CAST: variants seen among roughly 807,000 people sequenced by gnomAD.
CAST encodes the protein MIR583 host.
In CAST, 76 loss-of-function variants were observed where a neutral mutation model predicts 119.6. The observed-to-expected ratio is 0.64, with a 90% CI of 0.53 to 0.77. The LOEUF (loss-of-function observed/expected upper bound fraction) is 0.77. CAST is among the 30% of genes least tolerant of loss of function. The pLI is 0.00. For synonymous variants in CAST, 319 were observed against 331.6 expected, an observed-to-expected ratio of 0.96 and a Z score of 0.41; for missense variants, 953 against 946.5, an observed-to-expected ratio of 1.01 and a Z score of -0.09.
At chr5:96,673,336 T>C (rs1270532790) in intron 1 of CAST, among the ~76,000 whole-genome samples, 3 of 152,218 alleles carry the variant, frequency 2.0e-5, no homozygotes, top group Non-Finnish European at 2.9e-5. Context: ...CAAAGGATGA[T>C]TTATGAATTG....
the CAST span, among the ~76,000 whole-genome samples, chr5:96,255,896 T>G: frequency 6.6e-6 from 1 of 152,160 alleles, no homozygotes. Flanking sequence ...TCTGGTGTTC[T>G]GTGCTATGCT....
chr5:96,692,724 C>G (rs73774391), intron 2 of CAST, among the ~76,000 whole-genome samples: 1 of 152,176 alleles, frequency 6.6e-6, no homozygotes, highest in Admixed American at 6.5e-5. Context: ...GCCAATCACT[C>G]TCTGTTACCT....
At chr5:96,468,922 T>C in the CAST span, among the ~76,000 whole-genome samples, 1 of 152,106 alleles carries the variant, frequency 6.6e-6, no homozygotes, top group African/African-American at 2.4e-5. Context: ...ATAGTTGCCT[T>C]TGAGCTTTAG....
chr5:96,461,055 C>T, the CAST span, among the ~76,000 whole-genome samples: 2 of 152,104 alleles, frequency 1.3e-5, no homozygotes, highest in Non-Finnish European at 2.9e-5. Flanking sequence ...TCCGGCAATA[C>T]TAGTCTGCTT....
chr5:96,095,068 A>G, the CAST span, among the ~76,000 whole-genome samples: 1 of 152,230 alleles, frequency 6.6e-6, no homozygotes, highest in Non-Finnish European at 1.5e-5. Flanking sequence ...ACTTTGGCTC[A>G]GAGCCAAGGT....
At chr5:95,962,080 T>A in the CAST span, 1 of 394,416 alleles carries the variant, frequency 2.5e-6, no homozygotes, top group Non-Finnish European at 4.5e-6. Context: ...TAATCATGTC[T>A]GACGTCACGT....
chr5:96,249,815 G>A, the CAST span, among the ~76,000 whole-genome samples: 1 of 152,172 alleles, frequency 6.6e-6, no homozygotes, highest in Non-Finnish European at 1.5e-5. Flanking sequence ...TTAAGTAAAT[G>A]TCACTACTGC....
chr5:96,311,204 A>C, the CAST span, among the ~76,000 whole-genome samples: 1 of 152,036 alleles, frequency 6.6e-6, no homozygotes, highest in African/African-American at 2.4e-5. Context: ...TTTCAGGAAC[A>C]TGTTGTTTCA....
chr5:96,744,770 C>T (rs1310586330), intron 16 of CAST, among the ~76,000 whole-genome samples: 2 of 152,102 alleles, frequency 1.3e-5, no homozygotes, highest in Non-Finnish European at 2.9e-5. Flanking sequence ...TCCACTGCCA[C>T]CCCAGCATAC....
intron 1 of CAST, among the ~76,000 whole-genome samples, chr5:96,638,172 G>A (rs569241137): frequency 5.0e-4 from 76 of 152,120 alleles, no homozygotes; most frequent in African/African-American, 1.7e-3. Context: ...TTGGGAGGCC[G>A]AGGCTGGCAG....
chr5:96,474,637 A>G, the CAST span, among the ~76,000 whole-genome samples: 3 of 152,286 alleles, frequency 2.0e-5, no homozygotes, highest in Middle Eastern at 6.8e-3. Flanking sequence ...TGGGGTGTCC[A>G]GGAAGAGCTC....
the CAST span, among the ~76,000 whole-genome samples, chr5:96,238,332 TTCTTCTTCTTCTTCATCTTCA>T: frequency 2.3e-5 from 1 of 42,984 alleles, no homozygotes; most frequent in African/African-American, 6.2e-5. Context: ...CTTCTTCTTC[TTCTTCTTCTTCTTCATCTTCA>T]TCTTCTTCTT....
the CAST span, among the ~76,000 whole-genome samples, chr5:96,004,251 T>A: frequency 1.3e-5 from 2 of 152,252 alleles, no homozygotes; most frequent in South Asian, 4.1e-4. Context: ...TTGGACCATG[T>A]CCAGTGTAGA....
the CAST span, among the ~76,000 whole-genome samples, chr5:96,273,760 G>A: frequency 5.9e-5 from 9 of 152,226 alleles, no homozygotes; most frequent in South Asian, 1.0e-3. Flanking sequence ...TTCATTTACT[G>A]GACAAGAGTA....
At chr5:96,535,903 C>A (rs1745802705) in intron 1 of CAST, among the ~76,000 whole-genome samples, 1 of 151,910 alleles carries the variant, frequency 6.6e-6, no homozygotes, top group Admixed American at 6.6e-5. Flanking sequence ...TAAGTATGTC[C>A]TCAGTGGTAC....
chr5:96,481,690 G>A, the CAST span, among the ~76,000 whole-genome samples: 2 of 152,088 alleles, frequency 1.3e-5, no homozygotes, highest in Admixed American at 6.6e-5. Context: ...TTTCTCATCT[G>A]GAGAACACAT....
chr5:96,662,485 C>A lies in CAST; in HGVS notation c.63C>A (p.Arg21=). The part of the protein sequence containing the change: ...SPRPRRAAAA[R]RTHEHVSEKT... ...GGCCCCGGCGAGCAGCCGCCGCCCG[C>A]CGCACCCATGAGGTGAGTGGCGCTC... The change falls in exon 1 of 32, where the codon CGC becomes CGA. Residue 21 remains arginine, a synonymous_variant. Transcript: ENST00000675179. 1.4e-6 allele frequency: 2 copies of A among 1,433,902 alleles called. No homozygotes were observed. The highest frequency in any genetic ancestry group is 1.5e-5 in the African/African-American group (1 of 67,362). 88.8% of individuals were successfully genotyped at this position (1,433,902 alleles called of 1,614,324 possible).
upstream of CAST, chr5:96,662,373 G>A: frequency 2.8e-6 from 3 of 1,090,376 alleles, no homozygotes; most frequent in African/African-American, 2.6e-5. Flanking sequence ...AGGCCTCCCC[G>A]CCACTCTCCG....
At chr5:96,510,901 G>T in the CAST span, among the ~76,000 whole-genome samples, 1 of 152,166 alleles carries the variant, frequency 6.6e-6, no homozygotes, top group African/African-American at 2.4e-5. Context: ...TGTATGTGGG[G>T]TTTATTATAC....
Sources: allele counts gnomAD v4.1 joint callset (sites outside exome capture counted in the v4.1 genomes callset), GRCh38; gene constraint gnomAD v4.1.1; transcripts MANE v1.5; gene names NCBI Gene and HGNC (gene_info 2026-07-23, HGNC 2026-07-21).